Variants in PIP5K1B observed in about 807,000 individuals in gnomAD.
The protein encoded by PIP5K1B is phosphatidylinositol-4-phosphate 5-kinase type 1 beta.
In PIP5K1B, 42 loss-of-function variants were observed where a neutral mutation model predicts 67.0. The observed-to-expected ratio is 0.63, with a 90% CI of 0.49 to 0.81. The LOEUF is 0.81. Ranked by LOEUF, PIP5K1B falls within the 30% of genes least tolerant of loss-of-function variation. The pLI, the probability that PIP5K1B is intolerant of heterozygous loss-of-function variation, is 0.00. For missense variants in PIP5K1B, 459 were observed against 646.3 expected (o/e 0.71, Z 3.14); for synonymous variants, 214 against 231.4 (o/e 0.92, Z 0.68).
chr9:68,827,910 A>T (rs569195714), intron 4 of PIP5K1B, among the ~76,000 whole-genome samples: 1 of 152,210 alleles, frequency 6.6e-6, no homozygotes, highest in African/African-American at 2.4e-5. Context: ...GATGCTAGAC[A>T]TTCAAGTTTT....
In PIP5K1B at chr9:68,909,234, T is replaced by C. The variant is rs562723304; in HGVS notation, c.772-8314T>C. Among the ~76,000 whole-genome samples, 13 of 152,296 alleles carry C rather than the reference T, an allele frequency of 8.5e-5. No individual in the cohort carries two copies. The East Asian group carries it at 1.7e-3, about 20-fold the overall frequency. On this transcript the variant is annotated intron_variant, in intron 8 of 15. Transcript: ENST00000265382. ...AAAGTAGACCAAATATTGTAATGAA[T>C]CCACATATACTCTGTGCTCTATTTT...
rs561072768 is a variant in PIP5K1B, at chr9:68,764,638, T to C, written c.-86+21981T>C. On this transcript the variant is annotated intron_variant, in intron 2 of 15. Transcript: ENST00000265382. ...ACTGTTTAATGCTATAATGTTACCT[T>C]ATACATTCTACCAAGCATTGTAAGC... Among the ~76,000 whole-genome samples, 131 of 152,222 alleles carry C rather than the reference T, an allele frequency of 8.6e-4. 2 individuals are homozygous for C. The South Asian group carries it at 0.017, about 19-fold the overall frequency.
At chr9:68,955,378 T>C (rs1238204509) in intron 14 of PIP5K1B, among the ~76,000 whole-genome samples, 1 of 152,258 alleles carries the variant, frequency 6.6e-6, no homozygotes, top group Non-Finnish European at 1.5e-5. Context: ...CAAACAGATG[T>C]GTTGAACTCA....
Position 68,863,907 on chromosome 9 carries a change from A to G in PIP5K1B, c.140A>G (p.Lys47Arg). 6.2e-7 allele frequency: 1 copy of G among 1,613,832 alleles called. No individual in the cohort carries two copies. Among genetic ancestry groups the G allele is most frequent in the Non-Finnish European group, 8.5e-7 (1 of 1,179,708 alleles). Reference sequence around the variant, plus strand: ...TACACAGTGGGTAATCTCACTTCCAAGCCAGAACGAGATGTTCTTATGCAA... The same window carrying G: ...TACACAGTGGGTAATCTCACTTCCAGGCCAGAACGAGATGTTCTTATGCAA... ...IGYTVGNLTS[K>R]PERDVLMQDF... The change falls in exon 5 of 16, where the codon AAG (lysine) becomes AGG (arginine). Residue 47 changes from lysine to arginine, a missense_variant. Lys to Arg is a conservative substitution (Grantham distance 26). Transcript: ENST00000265382.
chr9:68,872,693 C>T (rs1205245491), intron 5 of PIP5K1B, among the ~76,000 whole-genome samples: 3 of 152,102 alleles, frequency 2.0e-5, no homozygotes, highest in Admixed American at 6.5e-5. Flanking sequence ...TATGTATATG[C>T]ATGCCAAAAG....
intron 4 of PIP5K1B, among the ~76,000 whole-genome samples, chr9:68,862,812 T>A (rs890003908): frequency 9.4e-6 from 1 of 105,998 alleles, no homozygotes; most frequent in East Asian, 2.6e-4. Flanking sequence ...AAAAAATAAA[T>A]AAATAAATAA....
chr9:68,917,820 TTA>T (rs1424365528), intron 9 of PIP5K1B, 61 bp downstream of exon 9: 11 of 1,204,338 alleles, frequency 9.1e-6, no homozygotes, highest in Non-Finnish European at 1.4e-5. Flanking sequence ...CACTGGGTAA[TTA>T]TAGACAGTCA....
intron 13 of PIP5K1B, among the ~76,000 whole-genome samples, chr9:68,936,191 TA>T (rs71914136): frequency 0.025 from 3,753 of 152,272 alleles, 120 homozygotes; most frequent in African/African-American, 0.076. Flanking sequence ...TTTTCTTTCT[TA>T]ACTTGCTGGT....
At chr9:68,937,819 T>G in intron 13 of PIP5K1B, among the ~76,000 whole-genome samples, 1 of 152,220 alleles carries the variant, frequency 6.6e-6, no homozygotes, top group East Asian at 1.9e-4. Flanking sequence ...TTCTCATGGT[T>G]TCAAAGAACA....
At chr9:68,762,943 G>A (rs949378266) in intron 2 of PIP5K1B, among the ~76,000 whole-genome samples, 19 of 152,178 alleles carry the variant, frequency 1.2e-4, no homozygotes, top group African/African-American at 1.9e-4. Flanking sequence ...CGCAGTTATC[G>A]AATATGAGGC....
intron 3 of PIP5K1B, among the ~76,000 whole-genome samples, chr9:68,818,842 G>A (rs1363206090): frequency 5.3e-5 from 8 of 152,054 alleles, no homozygotes; most frequent in African/African-American, 1.9e-4. Context: ...AGTGTTCACT[G>A]TAGAATACTT....
chr9:68,723,694 G>GTTTTTTT (rs1224332057), intron 1 of PIP5K1B, among the ~76,000 whole-genome samples: 1 of 36,708 alleles, frequency 2.7e-5, no homozygotes, highest in Admixed American at 3.1e-4. Context: ...TGAAGTATTT[G>GTTTTTTT]GTTTTTTTTT....
intron 8 of PIP5K1B, among the ~76,000 whole-genome samples, chr9:68,898,949 T>G (rs1314171633): frequency 6.6e-6 from 1 of 152,238 alleles, no homozygotes; most frequent in African/African-American, 2.4e-5. Context: ...TAACACTCTC[T>G]GGCCAAGGTT....
At chr9:68,756,262 C>T (rs989015758) in intron 2 of PIP5K1B, among the ~76,000 whole-genome samples, 1 of 152,134 alleles carries the variant, frequency 6.6e-6, no homozygotes, top group Non-Finnish European at 1.5e-5. Flanking sequence ...TTTCCATTTC[C>T]AAAGCCGAAA....
intron 4 of PIP5K1B, among the ~76,000 whole-genome samples, chr9:68,854,172 C>T (rs975344292): frequency 4.2e-5 from 6 of 142,764 alleles, no homozygotes; most frequent in Non-Finnish European, 1.5e-5. Context: ...ATTCTGTCAT[C>T]CAAGCTGAAA....
chr9:69,004,335 TTTTGTGTGTGTGTGTG>T (rs1350058594), intron 15 of PIP5K1B, among the ~76,000 whole-genome samples: 1 of 120,894 alleles, frequency 8.3e-6, no homozygotes, highest in African/African-American at 3.2e-5. Context: ...GTGTGTGTGT[TTTTGTGTGTGTGTGTG>T]TGTGTGTGTG....
chr9:68,846,724 T>C (rs2132179113), intron 4 of PIP5K1B, among the ~76,000 whole-genome samples: 1 of 152,368 alleles, frequency 6.6e-6, no homozygotes, highest in Non-Finnish European at 1.5e-5. Context: ...TTTGCTTTTC[T>C]ATTTCGTAAA....
chr9:68,780,364 G>A lies in PIP5K1B; in HGVS notation c.-86+37707G>A, dbSNP rs1381723447. The A allele has an allele frequency of 5.6e-6, 9 of 1,612,718 alleles. No individual in the cohort carries two copies. In the South Asian group the frequency reaches 6.6e-5, roughly 12 times the overall value. The stretch of plus-strand genomic sequence containing the variant: ...AGGCGGAACAGCACAACGTTCCCGA[G>A]CCGCCACGGCCTGCTGCTGCCGGCC... On this transcript the variant is annotated intron_variant, in intron 2 of 15. Coordinates refer to ENST00000265382, the MANE Select transcript of PIP5K1B (RefSeq NM_003558.4).
chr9:68,723,980 T>G (rs1282932956), intron 1 of PIP5K1B, among the ~76,000 whole-genome samples: 1 of 152,058 alleles, frequency 6.6e-6, no homozygotes, highest in Non-Finnish European at 1.5e-5. Flanking sequence ...CCCAAAATTT[T>G]TTTCAGTAGT....
Sources: gnomAD v4.1 joint callset for allele counts (sites outside exome capture counted in the v4.1 genomes callset) on GRCh38, gnomAD v4.1.1 for gene constraint, MANE v1.5 for transcripts, NCBI Gene and HGNC (gene_info 2026-07-23, HGNC 2026-07-21) for gene names.